Variants in CRACD observed in about 807,000 individuals in gnomAD.
CRACD encodes capping protein inhibiting regulator of actin dynamics, also known as capping protein-inhibiting regulator of actin dynamics.
Under a neutral mutation model 106.8 loss-of-function variants are expected in CRACD, and 56 were observed. The ratio of observed to expected loss-of-function variants is 0.52; its 90% CI spans 0.42 to 0.66. The LOEUF (loss-of-function observed/expected upper bound fraction) is 0.66. Among genes scored for constraint, CRACD ranks in the 30% least tolerant of loss-of-function variants. CRACD has a pLI of 0.00. For missense variants in CRACD, 1,730 were observed against 1,623.2 expected, an observed-to-expected ratio of 1.07 and a Z score of -1.13; for synonymous variants, 754 against 670.8, an observed-to-expected ratio of 1.12 and a Z score of -1.92.
At chr4:56,320,620 C>A (rs563140711) in intron 8 of CRACD, 17 of 152,328 alleles carry the variant, frequency 1.1e-4, no homozygotes, top group African/African-American at 4.1e-4. Flanking sequence ...ACAGCAGTAT[C>A]TGAAAAGTTG....
chr4:56,315,725 A>G lies in CRACD; in HGVS notation c.2223A>G (p.Glu741=). The G allele has an allele frequency of 6.2e-7, 1 of 1,614,234 alleles. No homozygotes were observed. Among genetic ancestry groups the G allele is most frequent in the Non-Finnish European group, 8.5e-7 (1 of 1,180,048 alleles). ...GGTETSKQST[E]AESIRKRPML... ...CGGAGACCTCCAAACAGAGCACGGA[A>G]GCTGAAAGCATACGAAAAAGACCCA... Residue 741 remains glutamate (E), a synonymous_variant, in exon 8 of 11, where the codon GAA becomes GAG. Transcript: ENST00000682029. The surrounding 1 kb of genome is among the most constrained non-coding windows in gnomAD (Gnocchi z 4.1).
chr4:56,060,290 C>T (rs1302093072), intron 1 of CRACD, among the ~76,000 whole-genome samples: 2 of 151,850 alleles, frequency 1.3e-5, no homozygotes, highest in Non-Finnish European at 2.9e-5. Context: ...ATAACGAACT[C>T]ATAGTCCATC....
chr4:56,177,553 C>T (rs1427470151), intron 1 of CRACD, among the ~76,000 whole-genome samples: 1 of 151,954 alleles, frequency 6.6e-6, no homozygotes, highest in Non-Finnish European at 1.5e-5. Flanking sequence ...GGAAGTATTC[C>T]CTTCTTTCCA....
chr4:56,241,728 C>T (rs1489634779), intron 2 of CRACD, among the ~76,000 whole-genome samples: 1 of 152,142 alleles, frequency 6.6e-6, no homozygotes, highest in African/African-American at 2.4e-5. Flanking sequence ...CACACAGGTG[C>T]AGTACCTGCT....
chr4:56,329,138 G>A lies in CRACD; in HGVS notation c.*1334G>A, dbSNP rs1209603605. Among the ~76,000 whole-genome samples the A allele has an allele frequency of 1.3e-5, 2 of 152,148 alleles. No homozygotes were observed. The highest frequency in any genetic ancestry group is 4.8e-5 in the African/African-American group (2 of 41,414). ...AAAGAAGGGACTTGGCAGTTTAAAAGCCACATATATTCACTTTTATTGCCC... is the reference window on the plus strand; with the variant it reads ...AAAGAAGGGACTTGGCAGTTTAAAAACCACATATATTCACTTTTATTGCCC... On this transcript the variant is annotated 3_prime_UTR_variant, in exon 11 of 11. Transcript: ENST00000682029.
intron 1 of CRACD, among the ~76,000 whole-genome samples, chr4:56,089,326 C>T (rs974968697): frequency 5.9e-5 from 9 of 152,100 alleles, no homozygotes; most frequent in Non-Finnish European, 1.0e-4. Context: ...CCCTCCTACT[C>T]CTTTGCTGCT....
At chr4:56,152,124 C>T (rs1735602800) in intron 1 of CRACD, among the ~76,000 whole-genome samples, 1 of 151,496 alleles carries the variant, frequency 6.6e-6, no homozygotes, top group Non-Finnish European at 1.5e-5. Context: ...ATTCTCCTGC[C>T]TCAGCCTCCC....
chr4:56,119,161 A>T (rs1001468823), intron 1 of CRACD, among the ~76,000 whole-genome samples: 10 of 152,190 alleles, frequency 6.6e-5, no homozygotes. Context: ...TCTCCAAAAA[A>T]CACGGCAGAG....
chr4:56,120,831 GAT>G (rs1435194453), intron 1 of CRACD, among the ~76,000 whole-genome samples: 8 of 152,218 alleles, frequency 5.3e-5, no homozygotes, highest in Non-Finnish European at 1.2e-4. Context: ...TTTTGTGAAA[GAT>G]AATTATCTAT....
intron 2 of CRACD, among the ~76,000 whole-genome samples, chr4:56,209,101 A>G (rs1007958088): frequency 1.3e-5 from 2 of 152,214 alleles, no homozygotes; most frequent in African/African-American, 2.4e-5. Flanking sequence ...GCATTAGTGT[A>G]TTATCAATAA....
chr4:56,172,391 G>C (rs1304805863), intron 1 of CRACD, among the ~76,000 whole-genome samples: 1 of 152,216 alleles, frequency 6.6e-6, no homozygotes, highest in Non-Finnish European at 1.5e-5. Flanking sequence ...GTTACAATCT[G>C]TTCTCAAGTG....
chr4:56,167,798 A>G (rs1043273857), intron 1 of CRACD, among the ~76,000 whole-genome samples: 1 of 152,368 alleles, frequency 6.6e-6, no homozygotes, highest in Admixed American at 6.5e-5. Flanking sequence ...TGACATATGT[A>G]TACACAGTAA....
At chr4:56,122,148 G>A (rs1734505123) in intron 1 of CRACD, among the ~76,000 whole-genome samples, 1 of 152,012 alleles carries the variant, frequency 6.6e-6, no homozygotes, top group Non-Finnish European at 1.5e-5. Context: ...AATATCCACT[G>A]CACTCTAGCC....
intron 1 of CRACD, among the ~76,000 whole-genome samples, chr4:56,119,056 A>T (rs1734393408): frequency 6.6e-6 from 1 of 152,200 alleles, no homozygotes; most frequent in African/African-American, 2.4e-5. Flanking sequence ...TTTATGGAGG[A>T]TTCATCGTCA....
chr4:56,278,460 A>C (rs763190708), intron 3 of CRACD, among the ~76,000 whole-genome samples: 17 of 152,352 alleles, frequency 1.1e-4, no homozygotes, highest in Non-Finnish European at 2.5e-4. Context: ...CCACATGCAA[A>C]AGAATGAAAT....
At chr4:56,268,353 T>C (rs538895873) in intron 2 of CRACD, among the ~76,000 whole-genome samples, 2 of 152,296 alleles carry the variant, frequency 1.3e-5, no homozygotes, top group South Asian at 2.1e-4. Context: ...CAGGCTGGGA[T>C]AATGATGTCA....
intron 2 of CRACD, among the ~76,000 whole-genome samples, chr4:56,251,834 T>A (rs1049841158): frequency 6.6e-6 from 1 of 152,204 alleles, no homozygotes; most frequent in African/African-American, 2.4e-5. Context: ...GGAGTGTAGA[T>A]AAATCATTGT....
At chr4:56,073,785 A>ATG (rs35531820) in intron 1 of CRACD, among the ~76,000 whole-genome samples, 54,036 of 151,888 alleles carry the variant, frequency 0.36, 10,125 homozygotes, top group African/African-American at 0.48. Flanking sequence ...GCCCATGCCT[A>ATG]TGTCCTGAAT....
intron 4 of CRACD, 80 bp from the exon 5 acceptor site, chr4:56,307,455 T>A: frequency 6.9e-7 from 1 of 1,450,600 alleles, no homozygotes; most frequent in South Asian, 1.3e-5. Flanking sequence ...CAGTGCTCAC[T>A]AGACATGCTG....
Sources: gnomAD v4.1 joint callset for allele counts (sites outside exome capture counted in the v4.1 genomes callset) on GRCh38, gnomAD v4.1.1 for gene constraint, Gnocchi (gnomAD v3.1) non-coding constraint, MANE v1.5 for transcripts, NCBI Gene and HGNC (gene_info 2026-07-23, HGNC 2026-07-21) for gene names.